The following KLF12 variants were observed in gnomAD, a reference collection of about 807,000 sequenced individuals.
The protein encoded by KLF12 is Krueppel-like factor 12.
In KLF12, 9 loss-of-function variants were observed where a neutral mutation model predicts 37.8. The ratio of observed to expected loss-of-function variants is 0.24; its 90% CI spans 0.14 to 0.42. The LOEUF is 0.42. KLF12 is among the 10% of genes least tolerant of loss of function. The pLI is 1.00. For missense variants in KLF12, 411 were observed against 516.0 expected (o/e 0.80, Z 1.97); for synonymous variants, 208 against 202.1 (o/e 1.03, Z -0.25).
the KLF12 span, among the ~76,000 whole-genome samples, chr13:74,252,980 T>C: frequency 4.0e-5 from 1 of 24,996 alleles, no homozygotes; most frequent in Non-Finnish European, 2.3e-4. Context: ...GTCATCTGTC[T>C]ATCTATCTAT....
chr13:73,882,307 C>T (rs1017541776), intron 3 of KLF12, among the ~76,000 whole-genome samples: 1 of 152,176 alleles, frequency 6.6e-6, no homozygotes, highest in African/African-American at 2.4e-5. Context: ...CTTCCTAAAT[C>T]ATTCTCATTC....
intron 1 of KLF12, among the ~76,000 whole-genome samples, chr13:74,021,534 G>A (rs1333262436): frequency 2.0e-5 from 3 of 152,094 alleles, no homozygotes; most frequent in African/African-American, 7.2e-5. Flanking sequence ...AGATCCAGAG[G>A]AGGGTTGCAT....
intron 4 of KLF12, among the ~76,000 whole-genome samples, chr13:73,836,416 C>A (rs9573309): frequency 0.3 from 45,463 of 151,930 alleles, 7,011 homozygotes; most frequent in East Asian, 0.51. Context: ...AATTTAAAAC[C>A]GTGCTGGTAA....
At chr13:74,262,373 C>T in the KLF12 span, among the ~76,000 whole-genome samples, 5 of 152,052 alleles carry the variant, frequency 3.3e-5, no homozygotes, top group East Asian at 3.9e-4. Context: ...AGCACAAGAG[C>T]GATTGTAAAT....
the KLF12 span, among the ~76,000 whole-genome samples, chr13:74,240,858 A>C: frequency 3.4e-5 from 5 of 145,506 alleles, no homozygotes; most frequent in African/African-American, 1.3e-4. Context: ...AATTTTTTTC[A>C]AAGTTTTCAA....
chr13:74,271,802 T>A, the KLF12 span, among the ~76,000 whole-genome samples: 1 of 152,198 alleles, frequency 6.6e-6, no homozygotes, highest in African/African-American at 2.4e-5. Flanking sequence ...CAGGCTTCTC[T>A]TTCCCTTCAA....
At chr13:73,828,903 T>G (rs1394258949) in intron 4 of KLF12, among the ~76,000 whole-genome samples, 1 of 152,190 alleles carries the variant, frequency 6.6e-6, no homozygotes, top group Non-Finnish European at 1.5e-5. Flanking sequence ...AGAGTGCATT[T>G]TTTAAAAACT....
chr13:73,935,588 C>T (rs770289144), intron 3 of KLF12, among the ~76,000 whole-genome samples: 3 of 152,172 alleles, frequency 2.0e-5, no homozygotes, highest in South Asian at 2.1e-4. Flanking sequence ...CTCCCTCTCA[C>T]CACATGATGC....
At chr13:73,918,617 C>G (rs1414834714) in intron 3 of KLF12, among the ~76,000 whole-genome samples, 1 of 152,162 alleles carries the variant, frequency 6.6e-6, no homozygotes, top group African/African-American at 2.4e-5. Context: ...GAGACTCAAG[C>G]TCTTTACCCA....
intron 6 of KLF12, among the ~76,000 whole-genome samples, chr13:73,741,327 C>T (rs1463139100): frequency 1.3e-5 from 2 of 152,110 alleles, no homozygotes; most frequent in Admixed American, 6.6e-5. Flanking sequence ...AGGGTTGTTC[C>T]CTGACCCCGG....
the KLF12 span, among the ~76,000 whole-genome samples, chr13:74,202,934 G>A: frequency 2.6e-5 from 4 of 152,090 alleles, no homozygotes; most frequent in African/African-American, 7.2e-5. Context: ...AGACCAGCAT[G>A]TTAATAATGA....
chr13:73,896,350 T>C (rs950595449), intron 3 of KLF12, among the ~76,000 whole-genome samples: 2 of 152,224 alleles, frequency 1.3e-5, no homozygotes, highest in South Asian at 4.1e-4. Context: ...GAAATTAAAC[T>C]GTCACACTGA....
intron 3 of KLF12, among the ~76,000 whole-genome samples, chr13:73,854,678 G>A (rs1025910818): frequency 2.6e-5 from 4 of 152,126 alleles, no homozygotes; most frequent in Non-Finnish European, 4.4e-5. Flanking sequence ...GCTCAAATCC[G>A]TGATATAAAA....
intron 3 of KLF12, among the ~76,000 whole-genome samples, chr13:73,941,086 AT>A (rs1418468183): frequency 1.3e-5 from 2 of 152,226 alleles, no homozygotes; most frequent in Admixed American, 1.3e-4. Flanking sequence ...AAAGATTGAG[AT>A]TAGTATCTAT....
chr13:73,880,135 C>A (rs1308020316), intron 3 of KLF12, among the ~76,000 whole-genome samples: 1 of 152,142 alleles, frequency 6.6e-6, no homozygotes, highest in Non-Finnish European at 1.5e-5. Flanking sequence ...CTCCACCGTG[C>A]ACAAAGACCC....
intron 3 of KLF12, among the ~76,000 whole-genome samples, chr13:73,904,296 T>C (rs1396642011): frequency 1.3e-5 from 2 of 152,200 alleles, no homozygotes; most frequent in Non-Finnish European, 2.9e-5. Flanking sequence ...CTGGGATGTA[T>C]AGGTTGATTC....
intron 1 of KLF12, among the ~76,000 whole-genome samples, chr13:74,014,463 C>T (rs1443257018): frequency 1.3e-5 from 2 of 152,142 alleles, no homozygotes; most frequent in East Asian, 3.8e-4. Context: ...GAATAAAACC[C>T]ATTATCACTA....
At chr13:73,987,449 T>C (rs1005341230) in intron 2 of KLF12, among the ~76,000 whole-genome samples, 1 of 152,156 alleles carries the variant, frequency 6.6e-6, no homozygotes, top group African/African-American at 2.4e-5. Context: ...ACTTGTATCA[T>C]TTTTATGATC....
At chr13:74,142,637 C>G in the KLF12 span, among the ~76,000 whole-genome samples, 1 of 152,126 alleles carries the variant, frequency 6.6e-6, no homozygotes, top group Non-Finnish European at 1.5e-5. Context: ...GCACTCAGCA[C>G]ATAGCAAGTC....
Sources: gnomAD v4.1 joint callset for allele counts (sites outside exome capture counted in the v4.1 genomes callset) on GRCh38, gnomAD v4.1.1 for gene constraint, MANE v1.5 for transcripts, NCBI Gene and HGNC (gene_info 2026-07-23, HGNC 2026-07-21) for gene names.